The following AGMO variants were observed in gnomAD, a reference collection of about 807,000 sequenced individuals.
AGMO encodes the protein glyceryl-ether monooxygenase.
AGMO carries 75 observed loss-of-function variants against 60.2 expected under a neutral mutation model. The observed-to-expected ratio is 1.25, with a 90% CI of 1.03 to 1.51. AGMO has a LOEUF of 1.51. Ranked by LOEUF, AGMO falls within the 40% of genes most tolerant of loss-of-function variation. AGMO has a pLI of 0.00. For synonymous variants in AGMO, 261 were observed against 177.1 expected, an observed-to-expected ratio of 1.47 and a Z score of -3.76; for missense variants, 763 against 525.5, an observed-to-expected ratio of 1.45 and a Z score of -4.42.
chr7:15,231,088 T>C (rs1288969339), intron 12 of AGMO, among the ~76,000 whole-genome samples: 2 of 152,202 alleles, frequency 1.3e-5, no homozygotes, highest in East Asian at 1.9e-4. Context: ...TTCAAGTTCA[T>C]TTTCAATTTA....
At chr7:15,508,001 A>C (rs889223949) in intron 3 of AGMO, among the ~76,000 whole-genome samples, 1 of 152,080 alleles carries the variant, frequency 6.6e-6, no homozygotes, top group African/African-American at 2.4e-5. Flanking sequence ...CCGTAATAAA[A>C]TTTAAAATGG....
At chr7:15,215,494 T>C (rs1781709860) in intron 12 of AGMO, among the ~76,000 whole-genome samples, 1 of 151,978 alleles carries the variant, frequency 6.6e-6, no homozygotes, top group Admixed American at 6.6e-5. Context: ...GGAATGATAT[T>C]AGTACATTTA....
intron 12 of AGMO, among the ~76,000 whole-genome samples, chr7:15,321,363 G>A (rs1332983759): frequency 6.6e-6 from 1 of 152,112 alleles, no homozygotes; most frequent in East Asian, 1.9e-4. Context: ...AAACACTTCT[G>A]ACACTAGAGG....
Position 15,336,521 on chromosome 7 carries a change from G to T in AGMO, c.1263+28993C>A, listed in dbSNP as rs78953880. 1.2e-3 allele frequency among the ~76,000 whole-genome samples: 183 copies of T among 152,216 alleles called. 6 individuals are homozygous for T. The East Asian group carries it at 0.028, about 23-fold the overall frequency. On this transcript the variant is annotated intron_variant, in intron 12 of 12. Coordinates refer to ENST00000342526, the MANE Select transcript of AGMO (RefSeq NM_001004320.2). ...TCTTACTAATTCATGTAGAAGGACT[G>T]CTGTTGAATAGAAGATATTTTACAC...
At chr7:15,118,684 T>G in the AGMO span, among the ~76,000 whole-genome samples, 1 of 152,022 alleles carries the variant, frequency 6.6e-6, no homozygotes, top group African/African-American at 2.4e-5. Flanking sequence ...CAACCACTGA[T>G]TATCTCTGCT....
intron 2 of AGMO, among the ~76,000 whole-genome samples, chr7:15,552,716 G>A (rs1405885191): frequency 6.7e-6 from 1 of 148,472 alleles, no homozygotes; most frequent in Non-Finnish European, 1.5e-5. Context: ...CTTTTACACT[G>A]TTGGTGGGAC....
chr7:15,560,143 T>C lies in AGMO; in HGVS notation c.255A>G (p.Pro85=), dbSNP rs1216138448. The change falls in exon 2 of 13, where the codon CCA becomes CCG. Residue 85 remains proline (P), a splice_region_variant and synonymous_variant. Coordinates refer to ENST00000342526, the MANE Select transcript of AGMO (RefSeq NM_001004320.2). ...SISAGVLSRL[P]SLFFRSIELT... Reference sequence around the variant, plus strand: ...GCGTTGTTGACCATCTAACTCACCTTGGAAGTCGAGACAGAACACCAGCTG... The same window carrying C: ...GCGTTGTTGACCATCTAACTCACCTCGGAAGTCGAGACAGAACACCAGCTG... 3 of 1,607,384 alleles carry C rather than the reference T, an allele frequency of 1.9e-6. No homozygotes were observed. Among genetic ancestry groups the C allele is most frequent in the Middle Eastern group, 1.7e-4 (1 of 6,016 alleles).
At chr7:15,432,363 CACACACATATATATAT>C (rs1781275945) in intron 3 of AGMO, among the ~76,000 whole-genome samples, 9 of 57,984 alleles carry the variant, frequency 1.6e-4, no homozygotes, top group African/African-American at 3.5e-4. Context: ...TATATATATA[CACACACATATATATAT>C]ACACTATCTG....
At chr7:15,329,494 G>C (rs10216324) in intron 12 of AGMO, among the ~76,000 whole-genome samples, 1 of 152,034 alleles carries the variant, frequency 6.6e-6, no homozygotes, top group African/African-American at 2.4e-5. Context: ...CAAAAAATAC[G>C]TCCTTAGTGG....
intron 10 of AGMO, among the ~76,000 whole-genome samples, chr7:15,374,170 A>G (rs1783347052): frequency 6.6e-6 from 1 of 152,164 alleles, no homozygotes; most frequent in Admixed American, 6.5e-5. Flanking sequence ...GTGAGTCTCA[A>G]GAATCTGTCT....
intron 12 of AGMO, among the ~76,000 whole-genome samples, chr7:15,343,154 T>C (rs1203429708): frequency 6.6e-6 from 1 of 152,190 alleles, no homozygotes; most frequent in African/African-American, 2.4e-5. Flanking sequence ...TCGTGTTCAA[T>C]TGTATATTGG....
intron 5 of AGMO, among the ~76,000 whole-genome samples, chr7:15,397,532 A>G (rs560524810): frequency 2.6e-4 from 40 of 152,294 alleles, no homozygotes; most frequent in African/African-American, 9.4e-4. Flanking sequence ...GAGAGCTAGC[A>G]AGGGCTGCTA....
chr7:15,479,175 T>C (rs927448025), intron 3 of AGMO, among the ~76,000 whole-genome samples: 5 of 152,102 alleles, frequency 3.3e-5, no homozygotes, highest in Admixed American at 6.6e-5. Flanking sequence ...TATGATATAA[T>C]TCGTGTGAAA....
chr7:15,507,219 A>C (rs1446057623), intron 3 of AGMO, among the ~76,000 whole-genome samples: 1 of 152,106 alleles, frequency 6.6e-6, no homozygotes, highest in Non-Finnish European at 1.5e-5. Flanking sequence ...TCTCAGTGGA[A>C]TCTACTAAAG....
At chr7:15,168,338 A>C in the AGMO span, among the ~76,000 whole-genome samples, 1 of 152,336 alleles carries the variant, frequency 6.6e-6, no homozygotes, top group East Asian at 1.9e-4. Context: ...AAAATAAATA[A>C]ATAAATAAAA....
intron 3 of AGMO, among the ~76,000 whole-genome samples, chr7:15,447,122 T>G (rs572369408): frequency 6.6e-6 from 1 of 152,314 alleles, no homozygotes; most frequent in Admixed American, 6.5e-5. Flanking sequence ...CAGACATTTT[T>G]AGCAATGCTA....
chr7:15,125,699 G>C, the AGMO span, among the ~76,000 whole-genome samples: 1 of 152,024 alleles, frequency 6.6e-6, no homozygotes. Context: ...GGTCCTTAAA[G>C]AATCAAGAAA....
In AGMO at chr7:15,433,110, G is replaced by C. The variant is rs576113775; in HGVS notation, c.410-2002C>G. ...CAATACATTGTCTAGTTTTTGACCT[G>C]TCAGGATTTGTTTTTAAAAAATTCA... On this transcript the variant is annotated intron_variant, in intron 3 of 12. Coordinates refer to ENST00000342526, the MANE Select transcript of AGMO (RefSeq NM_001004320.2). Among the ~76,000 whole-genome samples, 20 of 152,102 alleles carry C rather than the reference G, an allele frequency of 1.3e-4. 2 individuals are homozygous for C. In the South Asian group the frequency reaches 3.1e-3, roughly 24 times the overall value.
rs142878440 is a variant in AGMO, at chr7:15,349,753, T to G, written c.1263+15761A>C. ...TATAATCATGGCAGAAGGCATCTCT[T>G]CACAGGGTGACAGAAGAAAAGAATG... is the stretch of plus-strand genomic sequence containing the variant. On this transcript the variant is annotated intron_variant, in intron 12 of 12. Transcript: ENST00000342526. Among the ~76,000 whole-genome samples, 741 of 152,178 alleles carry G rather than the reference T, an allele frequency of 4.9e-3. 11 individuals carry two copies. The highest frequency in any genetic ancestry group is 2.6e-3 in the Non-Finnish European group (178 of 67,980).
Sources: allele counts gnomAD v4.1 joint callset (sites outside exome capture counted in the v4.1 genomes callset), GRCh38; gene constraint gnomAD v4.1.1; transcripts MANE v1.5; gene names NCBI Gene and HGNC (gene_info 2026-07-23, HGNC 2026-07-21).